Variants in KLF12 observed in about 807,000 individuals in gnomAD.
KLF12 encodes KLF transcription factor 12.
A neutral mutation model predicts 37.8 loss-of-function variants in KLF12; 9 were observed. The ratio of observed to expected loss-of-function variants is 0.24; its 90% CI spans 0.14 to 0.42. The LOEUF (loss-of-function observed/expected upper bound fraction) is 0.42, where lower values mean the gene tolerates loss of function less well. Ranked by LOEUF, KLF12 falls within the 10% of genes least tolerant of loss-of-function variation. The pLI is 1.00. For missense variants in KLF12, 411 were observed against 516.0 expected, an observed-to-expected ratio of 0.80 and a Z score of 1.97; for synonymous variants, 208 against 202.1, an observed-to-expected ratio of 1.03 and a Z score of -0.25.
chr13:74,167,645 A>C, the KLF12 span, among the ~76,000 whole-genome samples: 1 of 152,188 alleles, frequency 6.6e-6, no homozygotes, highest in East Asian at 1.9e-4. Flanking sequence ...AGCTAATATC[A>C]ACCAAGTAGC....
intron 1 of KLF12, among the ~76,000 whole-genome samples, chr13:74,066,913 C>A (rs1324340014): frequency 6.6e-6 from 1 of 152,212 alleles, no homozygotes; most frequent in African/African-American, 2.4e-5. Flanking sequence ...ACAATAGGTA[C>A]TTTGAAGACC....
At chr13:74,183,331 G>A in the KLF12 span, among the ~76,000 whole-genome samples, 2 of 152,238 alleles carry the variant, frequency 1.3e-5, no homozygotes, top group South Asian at 2.1e-4. Flanking sequence ...TCAGGGATTT[G>A]CATCTATCTA....
At chr13:73,835,579 G>A (rs943708605) in intron 4 of KLF12, among the ~76,000 whole-genome samples, 4 of 152,092 alleles carry the variant, frequency 2.6e-5, no homozygotes, top group Admixed American at 2.6e-4. Context: ...AAAGGGAGGT[G>A]CAGAAAGGGC....
At chr13:74,199,333 C>G in the KLF12 span, among the ~76,000 whole-genome samples, 4 of 152,176 alleles carry the variant, frequency 2.6e-5, no homozygotes, top group Admixed American at 2.6e-4. Flanking sequence ...ATTCAACAGT[C>G]ACATTGTTCT....
At chr13:74,156,922 C>G in the KLF12 span, among the ~76,000 whole-genome samples, 5 of 152,168 alleles carry the variant, frequency 3.3e-5, no homozygotes, top group African/African-American at 1.2e-4. Flanking sequence ...GTAAACAGTG[C>G]TGCAACGAAC....
chr13:74,128,767 G>A (rs976855611), intron 1 of KLF12, among the ~76,000 whole-genome samples: 6 of 152,052 alleles, frequency 3.9e-5, no homozygotes, highest in African/African-American at 4.8e-5. Context: ...AAGTTAGCTC[G>A]ATAATTTCAA....
At chr13:74,101,784 GA>G (rs1055861115) in intron 1 of KLF12, among the ~76,000 whole-genome samples, 1 of 152,094 alleles carries the variant, frequency 6.6e-6, no homozygotes, top group African/African-American at 2.4e-5. Context: ...CATAATATAT[GA>G]AAAACATCAG....
At chr13:74,063,543 T>C (rs780691564) in intron 1 of KLF12, among the ~76,000 whole-genome samples, 1 of 152,200 alleles carries the variant, frequency 6.6e-6, no homozygotes, top group Non-Finnish European at 1.5e-5. Flanking sequence ...GTCTTATTTC[T>C]CAGGTTTACT....
the KLF12 span, among the ~76,000 whole-genome samples, chr13:74,277,323 T>C: frequency 7.6e-3 from 1,162 of 152,294 alleles, 2 homozygotes; most frequent in Non-Finnish European, 0.014. Context: ...ATGGCCCATA[T>C]CATGTTTGAC....
chr13:74,256,759 G>T, the KLF12 span, among the ~76,000 whole-genome samples: 2 of 150,204 alleles, frequency 1.3e-5, no homozygotes, highest in African/African-American at 4.9e-5. Flanking sequence ...TTTTGGAAAC[G>T]GCCTACTATT....
intron 1 of KLF12, among the ~76,000 whole-genome samples, chr13:74,128,813 T>A (rs78304889): frequency 0.063 from 9,518 of 152,232 alleles, 409 homozygotes; most frequent in Middle Eastern, 0.095. Flanking sequence ...GAATTTTTTT[T>A]AAAGACTGTT....
intron 2 of KLF12, among the ~76,000 whole-genome samples, chr13:73,954,253 C>T (rs1236016313): frequency 6.6e-6 from 1 of 152,088 alleles, no homozygotes; most frequent in African/African-American, 2.4e-5. Context: ...GCTGGGATTA[C>T]AGACGAAACC....
At chr13:74,252,782 A>G in the KLF12 span, among the ~76,000 whole-genome samples, 1 of 152,052 alleles carries the variant, frequency 6.6e-6, no homozygotes, top group South Asian at 2.1e-4. Context: ...TCTCTTCCCC[A>G]TTCTTCCTTT....
At chr13:73,805,482 C>T (rs1204990334) in intron 5 of KLF12, among the ~76,000 whole-genome samples, 1 of 151,692 alleles carries the variant, frequency 6.6e-6, no homozygotes, top group South Asian at 2.1e-4. Flanking sequence ...GCTGGCCTCA[C>T]GGCACACACT....
chr13:74,086,319 C>T (rs1200545107), intron 1 of KLF12, among the ~76,000 whole-genome samples: 1 of 143,726 alleles, frequency 7.0e-6, no homozygotes, highest in Non-Finnish European at 1.5e-5. Context: ...CTTCCTGTGT[C>T]CATGTGTTCT....
At chr13:73,898,117 G>A (rs1887873405) in intron 3 of KLF12, among the ~76,000 whole-genome samples, 1 of 151,972 alleles carries the variant, frequency 6.6e-6, no homozygotes, top group Non-Finnish European at 1.5e-5. Context: ...ACTTCCTCTA[G>A]GAGAGATTAC....
chr13:74,053,571 A>G (rs2138609526), intron 1 of KLF12, among the ~76,000 whole-genome samples: 1 of 152,278 alleles, frequency 6.6e-6, no homozygotes, highest in East Asian at 1.9e-4. Flanking sequence ...AAGCACTGGA[A>G]CAGGATACAA....
In KLF12 at chr13:73,822,054, G is replaced by A. The variant is rs367996108; in HGVS notation, c.671-8767C>T. 2.5e-4 allele frequency among the ~76,000 whole-genome samples: 38 copies of A among 152,288 alleles called. No homozygotes were observed. In the East Asian group the frequency reaches 5.4e-3, roughly 22 times the overall value. ...CGTCAATTATACTCCCTTGTACACA[G>A]TAAAATGTAAAGTTTAATGCAGATC... On this transcript the variant is annotated intron_variant, in intron 4 of 7. Coordinates refer to ENST00000377669, the MANE Select transcript of KLF12 (RefSeq NM_007249.5).
the KLF12 span, among the ~76,000 whole-genome samples, chr13:74,244,034 G>T: frequency 6.6e-6 from 1 of 152,086 alleles, no homozygotes; most frequent in African/African-American, 2.4e-5. Context: ...ATCTACTACA[G>T]GATGTTTACC....
Sources: gnomAD v4.1 joint callset for allele counts (sites outside exome capture counted in the v4.1 genomes callset) on GRCh38, gnomAD v4.1.1 for gene constraint, MANE v1.5 for transcripts, NCBI Gene and HGNC (gene_info 2026-07-23, HGNC 2026-07-21) for gene names.